The following SPATA13 variants were observed in gnomAD, a reference collection of about 807,000 sequenced individuals.
SPATA13 encodes the protein spermatogenesis-associated protein 13.
Under a neutral mutation model 104.0 loss-of-function variants are expected in SPATA13, and 50 were observed. That is an observed-to-expected ratio of 0.48 (90% CI 0.38 to 0.61). The LOEUF (loss-of-function observed/expected upper bound fraction) is 0.61, where lower values mean the gene tolerates loss of function less well. Among genes scored for constraint, SPATA13 ranks in the 20% least tolerant of loss-of-function variants. The pLI, the probability that SPATA13 is intolerant of heterozygous loss-of-function variation, is 0.00. For missense variants in SPATA13, 1,524 were observed against 1,690.6 expected (o/e 0.90, Z 1.73); for synonymous variants, 606 against 667.5 (o/e 0.91, Z 1.42).
At chr13:24,202,259 G>A (rs966345547) in intron 1 of SPATA13, among the ~76,000 whole-genome samples, 11 of 151,818 alleles carry the variant, frequency 7.2e-5, no homozygotes, top group Non-Finnish European at 8.9e-5. Flanking sequence ...GCAAAAGGAC[G>A]TTAAGAATCC....
At chr13:24,067,768 G>A (rs1452162697) in intron 3 of SPATA13, among the ~76,000 whole-genome samples, 1 of 152,100 alleles carries the variant, frequency 6.6e-6, no homozygotes, top group East Asian at 1.9e-4. Flanking sequence ...GCAGTGACAT[G>A]ATCTCGGGTC....
At chr13:24,235,459 G>T (rs184645217) in intron 2 of SPATA13, among the ~76,000 whole-genome samples, 1 of 152,316 alleles carries the variant, frequency 6.6e-6, no homozygotes, top group Admixed American at 6.5e-5. Context: ...GCAAGAAATG[G>T]TGTGATAAAG....
At position 24,279,022 on chromosome 13, in the gene SPATA13, G is replaced by A. The variant is rs377323179; in HGVS notation, c.2165-5113G>A. Among the ~76,000 whole-genome samples the A allele has an allele frequency of 8.0e-5, 11 of 137,284 alleles. No individual in the cohort carries two copies. The South Asian group carries it at 2.8e-3, about 35-fold the overall frequency. The allele number at this position is 137,284 out of a possible 152,430, so 90.1% of individuals were successfully genotyped here. ...CCTTCCTTCCTTCCCTGCCTCCCATGTATGCCAGGCAGGAACACAGTTAAG... is the reference window on the plus strand; with the variant it reads ...CCTTCCTTCCTTCCCTGCCTCCCATATATGCCAGGCAGGAACACAGTTAAG... On this transcript the variant is annotated intron_variant, in intron 4 of 12. Coordinates refer to ENST00000382108, the MANE Select transcript of SPATA13 (RefSeq NM_001166271.3).
chr13:24,022,845 AAAAG>A (rs1237482779), intron 3 of SPATA13, among the ~76,000 whole-genome samples: 4 of 152,162 alleles, frequency 2.6e-5, no homozygotes. Context: ...CTCTTGTAGA[AAAAG>A]AAACATTGAA....
intron 3 of SPATA13, among the ~76,000 whole-genome samples, chr13:24,086,502 A>C (rs1879724469): frequency 6.6e-6 from 1 of 151,968 alleles, no homozygotes; most frequent in African/African-American, 2.4e-5. Flanking sequence ...AATTATGGGA[A>C]AAATATGAAA....
At chr13:24,277,191 T>A (rs1159974409) in intron 4 of SPATA13, among the ~76,000 whole-genome samples, 1 of 152,056 alleles carries the variant, frequency 6.6e-6, no homozygotes, top group Non-Finnish European at 1.5e-5. Flanking sequence ...ACGCCTGTAA[T>A]CCTAGCACTT....
At chr13:24,064,720 C>T (rs7328904) in intron 3 of SPATA13, among the ~76,000 whole-genome samples, 76,592 of 151,960 alleles carry the variant, frequency 0.5, 20,158 homozygotes, top group Non-Finnish European at 0.58. Flanking sequence ...TACTTTGTTA[C>T]AGCAGCCAAA....
At chr13:24,180,772 A>G (rs1868748591) in intron 1 of SPATA13, among the ~76,000 whole-genome samples, 1 of 151,648 alleles carries the variant, frequency 6.6e-6, no homozygotes, top group African/African-American at 2.4e-5. Flanking sequence ...TTTTTTTTTG[A>G]TTATTGATTG....
chr13:24,052,541 A>G (rs1454184552), intron 3 of SPATA13, among the ~76,000 whole-genome samples: 1 of 150,866 alleles, frequency 6.6e-6, no homozygotes, highest in East Asian at 1.9e-4. Context: ...TGTTCTGGGC[A>G]GTTGTGAGGA....
chr13:24,201,422 A>G (rs748427898), intron 1 of SPATA13, among the ~76,000 whole-genome samples: 6 of 144,896 alleles, frequency 4.1e-5, no homozygotes, highest in South Asian at 2.4e-4. Context: ...ACTATTAACT[A>G]AAGTCCATGG....
chr13:24,144,212 G>T (rs1453158791), intron 3 of SPATA13, among the ~76,000 whole-genome samples: 1 of 152,152 alleles, frequency 6.6e-6, no homozygotes, highest in Non-Finnish European at 1.5e-5. Flanking sequence ...AGGTGGGCGA[G>T]TCAGGACTTG....
intron 3 of SPATA13, among the ~76,000 whole-genome samples, chr13:24,102,102 C>T (rs1189764944): frequency 1.3e-5 from 2 of 152,190 alleles, no homozygotes; most frequent in East Asian, 1.9e-4. Flanking sequence ...CCACTAACAG[C>T]GCGTAGGGTT....
intron 1 of SPATA13, among the ~76,000 whole-genome samples, chr13:24,220,382 G>A (rs901912963): frequency 3.3e-5 from 5 of 151,534 alleles, no homozygotes; most frequent in African/African-American, 9.7e-5. Context: ...TATTCAGTGC[G>A]AGTCATAAGA....
chr13:24,145,255 A>G (rs1036942091), intron 3 of SPATA13, among the ~76,000 whole-genome samples: 2 of 152,230 alleles, frequency 1.3e-5, no homozygotes, highest in Non-Finnish European at 2.9e-5. Flanking sequence ...GCCACAAAAT[A>G]CTAAGTAGAC....
At position 24,304,383 on chromosome 13, in the gene SPATA13, C is replaced by T. The variant is rs1877432265; in HGVS notation, c.*1610C>T. On this transcript the variant is annotated 3_prime_UTR_variant, in exon 13 of 13. Transcript: ENST00000382108. Reference sequence around the variant, plus strand: ...GGTGCCCTTTCAACCCGCTCAGTGCCCTGGACAGGAGATGCTGTGTTAAAC... The same window carrying T: ...GGTGCCCTTTCAACCCGCTCAGTGCTCTGGACAGGAGATGCTGTGTTAAAC... The T allele has an allele frequency of 6.6e-6, 1 of 152,152 alleles. No individual in the cohort carries two copies. Among genetic ancestry groups the T allele is most frequent in the Non-Finnish European group, 1.5e-5 (1 of 68,040 alleles). 9.4% of individuals were successfully genotyped at this position (152,152 alleles called of 1,614,324 possible).
At chr13:23,993,893 G>A (rs1232146915) in intron 2 of SPATA13, among the ~76,000 whole-genome samples, 1 of 151,962 alleles carries the variant, frequency 6.6e-6, no homozygotes, top group South Asian at 2.1e-4. Context: ...TATGTTCAAG[G>A]TATGTGTGAG....
intron 3 of SPATA13, among the ~76,000 whole-genome samples, chr13:24,068,487 T>C (rs140387909): frequency 0.011 from 1,600 of 152,340 alleles, 30 homozygotes; most frequent in African/African-American, 0.036. Flanking sequence ...CCTTTGGGTA[T>C]GTGCCCAGTA....
At chr13:24,171,215 G>C (rs1244294063) in intron 1 of SPATA13, among the ~76,000 whole-genome samples, 5 of 152,144 alleles carry the variant, frequency 3.3e-5, no homozygotes, top group African/African-American at 1.2e-4. Flanking sequence ...TGGCTGTCGT[G>C]CCATCTGAGC....
intron 2 of SPATA13, among the ~76,000 whole-genome samples, chr13:23,998,328 A>G (rs1430178837): frequency 6.6e-6 from 1 of 152,198 alleles, no homozygotes; most frequent in Non-Finnish European, 1.5e-5. Flanking sequence ...TTAATGACTA[A>G]TGACATTGAG....
Sources: gnomAD v4.1 joint callset for allele counts (sites outside exome capture counted in the v4.1 genomes callset) on GRCh38, gnomAD v4.1.1 for gene constraint, MANE v1.5 for transcripts, NCBI Gene and HGNC (gene_info 2026-07-23, HGNC 2026-07-21) for gene names.